POLR3E: variants seen among roughly 807,000 people sequenced by gnomAD.
The protein encoded by POLR3E is RNA polymerase III subunit E.
Under a neutral mutation model 96.6 loss-of-function variants are expected in POLR3E, and 41 were observed. That is an observed-to-expected ratio of 0.42 (90% CI 0.33 to 0.55). The LOEUF (loss-of-function observed/expected upper bound fraction) is 0.55, where lower values mean the gene tolerates loss of function less well. Among genes scored for constraint, POLR3E ranks in the 20% least tolerant of loss-of-function variants. POLR3E has a pLI of 0.06. For missense variants in POLR3E, 849 were observed against 952.1 expected, an observed-to-expected ratio of 0.89 and a Z score of 1.43; for synonymous variants, 396 against 383.6, an observed-to-expected ratio of 1.03 and a Z score of -0.38.
rs749953687 is a variant in POLR3E, at chr16:22,318,873, A to G, written c.913A>G (p.Ile305Val). The change falls in exon 13 of 21, where the codon ATC (isoleucine) becomes GTC (valine). Residue 305 changes from isoleucine to valine, a missense_variant. Coordinates refer to ENST00000299853, the MANE Select transcript of POLR3E (RefSeq NM_018119.4). The surrounding 1 kb of genome is among the most constrained non-coding windows in gnomAD (Gnocchi z 5.0). ...ANLMSLLGPS[I>V]DSVAVLRGIQ... ...CTTGATGAGCCTCCTGGGCCCCTCC[A>G]TCGATTCCGTGGCTGTTCTGCGGGG... The G allele has an allele frequency of 2.2e-5, 36 of 1,613,616 alleles. No individual in the cohort carries two copies. The highest frequency in any genetic ancestry group is 4.4e-5 in the South Asian group (4 of 91,060).
At chr16:22,317,071 T>A in intron 11 of POLR3E, 32 bp downstream of exon 11, 1 of 1,613,846 alleles carries the variant, frequency 6.2e-7, no homozygotes, top group Middle Eastern at 1.6e-4. Context: ...CCCTCTCCCT[T>A]TCCGGGCTGG....
At chr16:22,309,772 T>TA in intron 6 of POLR3E, 1 of 543,488 alleles carries the variant, frequency 1.8e-6, no homozygotes, top group South Asian at 2.3e-5. Flanking sequence ...CACAGATACA[T>TA]ACAAGTAGCT....
In POLR3E at chr16:22,333,874, G is replaced by T. The variant is rs1391024428; in HGVS notation, c.*174G>T. ...AGGGATTATCCTCAGCCAGTCGCAG[G>T]GTCAGCTTAAGTTAGTTAGATCACT... On this transcript the variant is annotated 3_prime_UTR_variant, in exon 21 of 21. Coordinates refer to ENST00000299853, the MANE Select transcript of POLR3E (RefSeq NM_018119.4). The T allele has an allele frequency of 3.6e-6, 2 of 552,372 alleles. No individual in the cohort carries two copies. Among genetic ancestry groups the T allele is most frequent in the South Asian group, 2.7e-5 (1 of 37,724 alleles). The allele number at this position is 552,372 out of a possible 1,614,324, so 34.2% of individuals were successfully genotyped here. A position where few individuals can be genotyped will look rare whatever the true frequency, so the allele number is the denominator to read the frequency against.
Position 22,325,836 on chromosome 16 carries a change from T to TGGAGCG in POLR3E, c.1430_1435dup (p.Arg477_Glu478dup). On this transcript the variant is annotated inframe_insertion, in exon 18 of 21. Coordinates refer to ENST00000299853, the MANE Select transcript of POLR3E (RefSeq NM_018119.4). ...AAGGCCCAGCAGAACCACGCGTTGC[T>TGGAGCG]GGAGCGGGAGCTGCAGCGGCGGAAG... The TGGAGCG allele has an allele frequency of 6.2e-7, 1 of 1,612,080 alleles. No homozygotes were observed. Among genetic ancestry groups the TGGAGCG allele is most frequent in the Admixed American group, 1.7e-5 (1 of 59,876 alleles).
chr16:22,309,270 C>A, intron 5 of POLR3E, 158 bp from the exon 6 acceptor site: 1 of 722,980 alleles, frequency 1.4e-6, no homozygotes, highest in Non-Finnish European at 2.5e-6. Context: ...GTTTTCTCAT[C>A]CCCAGGCTGC....
At chr16:22,306,589 G>T (rs1312074559) in intron 3 of POLR3E, among the ~76,000 whole-genome samples, 1 of 152,212 alleles carries the variant, frequency 6.6e-6, no homozygotes, top group Non-Finnish European at 1.5e-5. Context: ...ATGTTCCATT[G>T]TATGGGAGAC....
chr16:22,317,736 C>G (rs1374635428), intron 12 of POLR3E, among the ~76,000 whole-genome samples: 2 of 151,470 alleles, frequency 1.3e-5, no homozygotes, highest in Non-Finnish European at 2.9e-5. Context: ...AACTCCTGGG[C>G]CCAAGTGATC....
intron 1 of POLR3E, among the ~76,000 whole-genome samples, chr16:22,298,650 TTAAGAA>T (rs577519921): frequency 9.8e-4 from 149 of 152,242 alleles, no homozygotes; most frequent in African/African-American, 3.4e-3. Context: ...AGTATAGTGG[TTAAGAA>T]TAAGAATAAG....
chr16:22,331,351 T>G (rs144686632), intron 19 of POLR3E: 1 of 152,340 alleles, frequency 6.6e-6, no homozygotes, highest in African/African-American at 2.4e-5. Flanking sequence ...TTCTCCTTCT[T>G]GGTCTTTTAA....
intron 3 of POLR3E, 144 bp from the exon 4 acceptor site, chr16:22,308,004 G>T: frequency 1.6e-6 from 1 of 643,232 alleles, no homozygotes; most frequent in Admixed American, 2.3e-5. Flanking sequence ...CTCATGGTAG[G>T]GCTGGGCAGC....
rs1251052722 is a variant in POLR3E at position 22,305,214 on chromosome 16, T to C, written c.87+8T>C. ...AAGCTGTATCTATTTCAGGTAATTATGGGACTTGAAGGTAAAGAGGGGAGA... is the reference window on the plus strand; with the variant it reads ...AAGCTGTATCTATTTCAGGTAATTACGGGACTTGAAGGTAAAGAGGGGAGA... On this transcript the variant is annotated splice_region_variant and intron_variant, in intron 3 of 20. Transcript: ENST00000299853. 11 of 1,601,772 alleles carry C rather than the reference T, an allele frequency of 6.9e-6. No individual in the cohort carries two copies. Among genetic ancestry groups the C allele is most frequent in the Non-Finnish European group, 9.4e-6 (11 of 1,169,222 alleles).
intron 3 of POLR3E, among the ~76,000 whole-genome samples, chr16:22,306,703 T>C (rs1468331405): frequency 6.6e-6 from 1 of 152,266 alleles, no homozygotes; most frequent in Non-Finnish European, 1.5e-5. Context: ...GAAGTTTTTA[T>C]GATGAACGTG....
At chr16:22,319,407 T>G (rs1835684424) in intron 13 of POLR3E, among the ~76,000 whole-genome samples, 2 of 149,964 alleles carry the variant, frequency 1.3e-5, no homozygotes, top group Admixed American at 1.4e-4. Flanking sequence ...GTTTTTTTGT[T>G]TTTTTTTTTG....
chr16:22,314,189 A>G, intron 8 of POLR3E, 61 bp downstream of exon 8: 2 of 1,360,146 alleles, frequency 1.5e-6, no homozygotes, highest in Middle Eastern at 1.9e-4. Flanking sequence ...CCAGAGACCA[A>G]GGGGTAGCGG....
At chr16:22,314,570 A>G (rs749004479) in intron 8 of POLR3E, among the ~76,000 whole-genome samples, 7 of 152,314 alleles carry the variant, frequency 4.6e-5, no homozygotes, top group Non-Finnish European at 8.8e-5. Flanking sequence ...AGTTTTCCCT[A>G]TTTAAGCATA....
At chr16:22,314,202 C>A in intron 8 of POLR3E, 74 bp downstream of exon 8, 1 of 1,206,762 alleles carries the variant, frequency 8.3e-7, no homozygotes, top group South Asian at 1.2e-5. Context: ...GGTAGCGGGT[C>A]TTCACAGAAT....
chr16:22,333,617 T>C, intron 20 of POLR3E, 27 bp from the exon 21 acceptor site: 2 of 1,568,564 alleles, frequency 1.3e-6, no homozygotes, highest in Non-Finnish European at 1.8e-6. Flanking sequence ...TGCAAAAATC[T>C]GTGCTTACCC....
chr16:22,325,295 C>A (rs775317472), intron 17 of POLR3E, 29 bp downstream of exon 17: 1 of 1,585,028 alleles, frequency 6.3e-7, no homozygotes. Context: ...GCTGGGAGGC[C>A]CCGGCTCCTA....
At chr16:22,302,838 C>T in intron 1 of POLR3E, 93 bp from the exon 2 acceptor site, 1 of 852,026 alleles carries the variant, frequency 1.2e-6, no homozygotes, top group South Asian at 1.4e-5. Context: ...TGGTTGTGGG[C>T]TCCCCCTCCC....
Sources: allele counts gnomAD v4.1 joint callset (sites outside exome capture counted in the v4.1 genomes callset), GRCh38; gene constraint gnomAD v4.1.1; non-coding constraint Gnocchi (gnomAD v3.1); transcripts MANE v1.5; gene names NCBI Gene and HGNC (gene_info 2026-07-23, HGNC 2026-07-21).